The following SETD5 variants were observed in gnomAD, a reference collection of about 807,000 sequenced individuals.
SETD5 encodes the protein histone-lysine N-methyltransferase SETD5.
Under a neutral mutation model 153.3 loss-of-function variants are expected in SETD5, and 44 were observed. That is an observed-to-expected ratio of 0.29 (90% CI 0.23 to 0.37). The LOEUF is 0.37. Among genes scored for constraint, SETD5 ranks in the 10% least tolerant of loss-of-function variants. The pLI is 1.00. For missense variants in SETD5, 1,544 were observed against 1,768.0 expected, an observed-to-expected ratio of 0.87 and a Z score of 2.27; for synonymous variants, 716 against 645.2, an observed-to-expected ratio of 1.11 and a Z score of -1.66.
Position 9,474,346 on chromosome 3 carries a change from T to A in SETD5, c.3498-103T>A, listed in dbSNP as rs999603842. ...TTTAAATTGGTTCTGAAGAAAGTAA[T>A]GTTTAAGAGGATGTTTTAAGAAAAT... On this transcript the variant is annotated intron_variant, in intron 20 of 22. Coordinates refer to ENST00000402198, the MANE Select transcript of SETD5 (RefSeq NM_001080517.3). 2.0e-5 allele frequency: 26 copies of A among 1,308,202 alleles called. No individual in the cohort carries two copies. The East Asian group carries it at 5.4e-4, about 27-fold the overall frequency. 81.0% of individuals were successfully genotyped at this position (1,308,202 alleles called of 1,614,324 possible). A position where few individuals can be genotyped will look rare whatever the true frequency, so the allele number is the denominator to read the frequency against.
At chr3:9,405,769 T>C (rs1035285619) in intron 1 of SETD5, among the ~76,000 whole-genome samples, 1 of 152,234 alleles carries the variant, frequency 6.6e-6, no homozygotes, top group South Asian at 2.1e-4. Flanking sequence ...ATCTCCTTGC[T>C]TTCTATTTGT....
intron 2 of SETD5, among the ~76,000 whole-genome samples, chr3:9,426,613 G>A (rs1299603418): frequency 6.6e-6 from 1 of 151,996 alleles, no homozygotes; most frequent in Non-Finnish European, 1.5e-5. Context: ...GGCTGGTCTC[G>A]AATTCCTGAC....
chr3:9,438,112 G>A (rs2125137992), intron 7 of SETD5, among the ~76,000 whole-genome samples: 1 of 152,278 alleles, frequency 6.6e-6, no homozygotes, highest in African/African-American at 2.4e-5. Context: ...CCTAAAGTTT[G>A]AAGGCCCCAC....
Position 9,475,561 on chromosome 3 carries a change from A to G in SETD5, c.3799A>G (p.Thr1267Ala), listed in dbSNP as rs780706137. Reference sequence around the variant, plus strand: ...TTCCTCCCCCTTCAGAGGACATCCTACACAGTCTCCAGGATACAGTTATCG... The same window carrying G: ...TTCCTCCCCCTTCAGAGGACATCCTGCACAGTCTCCAGGATACAGTTATCG... ...QSSSPFRGHPTQSPGYSYRTT... is the reference protein window; with the variant it reads ...QSSSPFRGHPAQSPGYSYRTT... Residue 1267 changes from threonine (T) to alanine (A), a missense_variant, in exon 23 of 23, where the codon ACA becomes GCA. Physicochemically the swap from Thr to Ala is moderately conservative, Grantham distance 58. Coordinates refer to ENST00000402198, the MANE Select transcript of SETD5 (RefSeq NM_001080517.3). 8 of 1,613,788 alleles carry G rather than the reference A, an allele frequency of 5.0e-6. No homozygotes were observed. The highest frequency in any genetic ancestry group is 6.8e-6 in the Non-Finnish European group (8 of 1,179,886).
At chr3:9,474,735 G>C (rs1419334527) in intron 21 of SETD5, 153 bp downstream of exon 21, 2 of 1,056,784 alleles carry the variant, frequency 1.9e-6, no homozygotes, top group Non-Finnish European at 2.7e-6. Context: ...GCTCATTTGG[G>C]CTACCACATT....
In SETD5 at chr3:9,476,396, T is replaced by C; in HGVS notation, c.*305T>C. 1 of 286,018 alleles carries C rather than the reference T, an allele frequency of 3.5e-6. No individual in the cohort carries two copies. The highest frequency in any genetic ancestry group is 6.7e-6 in the Non-Finnish European group (1 of 150,042). 17.7% of individuals were successfully genotyped at this position (286,018 alleles called of 1,614,324 possible). A position where few individuals can be genotyped will look rare whatever the true frequency, so the allele number is the denominator to read the frequency against. ...AAGTGCAATGAGTTGTGTTGAAGCC[T>C]CCGTCTCCCATCCTTGCCTGTAGCC... On this transcript the variant is annotated 3_prime_UTR_variant, in exon 23 of 23. Coordinates refer to ENST00000402198, the MANE Select transcript of SETD5 (RefSeq NM_001080517.3).
chr3:9,471,855 C>T (rs1303835159), intron 19 of SETD5, among the ~76,000 whole-genome samples: 1 of 152,128 alleles, frequency 6.6e-6, no homozygotes, highest in African/African-American at 2.4e-5. Flanking sequence ...CTGTAGTATC[C>T]TCATTGAAAT....
chr3:9,443,070 CCT>C, intron 10 of SETD5: 1 of 374,316 alleles, frequency 2.7e-6, no homozygotes, highest in South Asian at 2.6e-5. Context: ...GAGATTTTAC[CCT>C]GATTTCTAAC....
intron 1 of SETD5, among the ~76,000 whole-genome samples, chr3:9,400,667 C>T (rs943710358): frequency 6.6e-6 from 1 of 152,138 alleles, no homozygotes; most frequent in African/African-American, 2.4e-5. Context: ...AAGATTGATT[C>T]ATTATATACA....
intron 18 of SETD5, among the ~76,000 whole-genome samples, chr3:9,469,685 T>G (rs1293989532): frequency 6.6e-6 from 1 of 152,230 alleles, no homozygotes; most frequent in Non-Finnish European, 1.5e-5. Flanking sequence ...TCTTTGTCGG[T>G]TAGCTGTAGT....
At chr3:9,455,964 A>G (rs2043186362) in intron 17 of SETD5, among the ~76,000 whole-genome samples, 1 of 152,200 alleles carries the variant, frequency 6.6e-6, no homozygotes, top group Non-Finnish European at 1.5e-5. Flanking sequence ...AAAATATTTG[A>G]TTTTAAAAAT....
At chr3:9,469,227 A>G (rs922833392) in intron 18 of SETD5, among the ~76,000 whole-genome samples, 3 of 152,178 alleles carry the variant, frequency 2.0e-5, no homozygotes, top group African/African-American at 7.2e-5. Flanking sequence ...TACAAGTGTT[A>G]TCTCTTTAGG....
intron 1 of SETD5, among the ~76,000 whole-genome samples, chr3:9,410,877 C>CTTT (rs34787440): frequency 6.8e-5 from 10 of 146,190 alleles, no homozygotes; most frequent in African/African-American, 1.5e-4. Flanking sequence ...TAAAAATTCT[C>CTTT]TTTTTTTTTT....
intron 18 of SETD5, chr3:9,464,877 A>G: frequency 3.1e-6 from 2 of 637,300 alleles, no homozygotes; most frequent in South Asian, 3.8e-5. Flanking sequence ...AAATAGGCAT[A>G]CTGCTACCAC....
intron 16 of SETD5, among the ~76,000 whole-genome samples, chr3:9,450,491 CAAAAT>C (rs768381638): frequency 1.3e-5 from 2 of 152,048 alleles, no homozygotes; most frequent in African/African-American, 2.4e-5. Context: ...TTTTATGAGG[CAAAAT>C]AAAATGAAAT....
At chr3:9,436,719 TA>T in intron 7 of SETD5, 1 of 723,250 alleles carries the variant, frequency 1.4e-6, no homozygotes, top group South Asian at 2.1e-5. Context: ...AATTCCATTG[TA>T]TTTTTTACCT....
chr3:9,419,116 C>T (rs1160178587), intron 1 of SETD5, among the ~76,000 whole-genome samples: 2 of 152,186 alleles, frequency 1.3e-5, no homozygotes, highest in Admixed American at 6.5e-5. Flanking sequence ...CATGAGCCAC[C>T]ACACCCGGCC....
At chr3:9,461,595 G>T (rs1439841038) in intron 17 of SETD5, among the ~76,000 whole-genome samples, 1 of 152,136 alleles carries the variant, frequency 6.6e-6, no homozygotes, top group African/African-American at 2.4e-5. Flanking sequence ...GAAAAAGTAG[G>T]CAAATGACTT....
rs1231598626 is a variant in SETD5 at position 9,463,252 on chromosome 3, G to A, written c.2477-1173G>A. On this transcript the variant is annotated intron_variant, in intron 17 of 22. Coordinates refer to ENST00000402198, the MANE Select transcript of SETD5 (RefSeq NM_001080517.3). ...TGGCCAGGCTGGTCTCAAACTCCTG[G>A]CTTAAGTGATCTGCCTGCCTCAGCC... is the stretch of plus-strand genomic sequence containing the variant. Among the ~76,000 whole-genome samples the A allele has an allele frequency of 4.6e-5, 7 of 152,060 alleles. No homozygotes were observed. In the South Asian group the frequency reaches 8.3e-4, roughly 18 times the overall value.
Sources: allele counts gnomAD v4.1 joint callset (sites outside exome capture counted in the v4.1 genomes callset), GRCh38; gene constraint gnomAD v4.1.1; transcripts MANE v1.5; gene names NCBI Gene and HGNC (gene_info 2026-07-23, HGNC 2026-07-21).